FAM163A: variants seen among roughly 807,000 people sequenced by gnomAD.
FAM163A encodes protein FAM163A.
A neutral mutation model predicts 12.0 loss-of-function variants in FAM163A; 7 were observed. The observed-to-expected ratio is 0.58, with a 90% confidence interval of 0.33 to 1.10. FAM163A has a LOEUF of 1.10. Among genes scored for constraint, FAM163A ranks in the 50% least tolerant of loss-of-function variants. The probability of loss-of-function intolerance (pLI) is 0.03; values close to 1 mark genes in which losing one functional copy is unlikely to be tolerated. For missense variants in FAM163A, 202 were observed against 218.6 expected, an observed-to-expected ratio of 0.92 and a Z score of 0.48; for synonymous variants, 101 against 91.0, an observed-to-expected ratio of 1.11 and a Z score of -0.62.
At chr1:179,768,909 A>C (rs978169525) in intron 1 of FAM163A, among the ~76,000 whole-genome samples, 1 of 151,594 alleles carries the variant, frequency 6.6e-6, no homozygotes, top group South Asian at 2.1e-4. Context: ...CGGCCTGGAC[A>C]CTGGATTTTT....
chr1:179,772,112 A>G (rs1306843905), intron 1 of FAM163A, among the ~76,000 whole-genome samples: 1 of 152,094 alleles, frequency 6.6e-6, no homozygotes, highest in Non-Finnish European at 1.5e-5. Flanking sequence ...TATCAAGGTC[A>G]AAGTCAAGCT....
intron 3 of FAM163A, 138 bp from the exon 4 acceptor site, chr1:179,812,938 C>A (rs961513524): frequency 4.2e-5 from 31 of 742,208 alleles, no homozygotes; most frequent in Admixed American, 7.5e-5. Flanking sequence ...TCAGGAAACC[C>A]CTGGGGCCTG....
chr1:179,792,189 G>A (rs1373438308), intron 1 of FAM163A, among the ~76,000 whole-genome samples: 1 of 152,104 alleles, frequency 6.6e-6, no homozygotes, highest in Admixed American at 6.5e-5. Flanking sequence ...GCAAGATCAT[G>A]GATCACTGCA....
chr1:179,746,180 C>A (rs956376305), intron 1 of FAM163A, among the ~76,000 whole-genome samples: 1 of 152,190 alleles, frequency 6.6e-6, no homozygotes, highest in Admixed American at 6.5e-5. Context: ...ATTGGTACAA[C>A]TTTGGAGGGC....
intron 1 of FAM163A, among the ~76,000 whole-genome samples, chr1:179,763,235 C>G (rs1321825556): frequency 6.6e-6 from 1 of 152,202 alleles, no homozygotes; most frequent in African/African-American, 2.4e-5. Context: ...TACAGACACC[C>G]TTACAAATGG....
At chr1:179,749,053 C>T (rs952781890) in intron 1 of FAM163A, among the ~76,000 whole-genome samples, 1 of 152,198 alleles carries the variant, frequency 6.6e-6, no homozygotes, top group African/African-American at 2.4e-5. Context: ...TATCCAGCTA[C>T]TGTGTCACTG....
chr1:179,793,339 T>C (rs1691793647), intron 1 of FAM163A, among the ~76,000 whole-genome samples: 1 of 152,218 alleles, frequency 6.6e-6, no homozygotes, highest in Non-Finnish European at 1.5e-5. Flanking sequence ...ATTAAAACCT[T>C]ATTTGAAAGC....
At chr1:179,793,500 G>A (rs1018283793) in intron 1 of FAM163A, among the ~76,000 whole-genome samples, 6 of 152,192 alleles carry the variant, frequency 3.9e-5, no homozygotes, top group African/African-American at 7.2e-5. Context: ...AAAAGCGTAC[G>A]TGCTCATGCA....
chr1:179,798,318 T>C (rs1176458218), intron 1 of FAM163A, among the ~76,000 whole-genome samples: 1 of 152,180 alleles, frequency 6.6e-6, no homozygotes, highest in African/African-American at 2.4e-5. Context: ...GCTGAGGGCA[T>C]TGTTTTATTC....
At chr1:179,748,829 G>A (rs372715030) in intron 1 of FAM163A, among the ~76,000 whole-genome samples, 1 of 152,212 alleles carries the variant, frequency 6.6e-6, no homozygotes, top group East Asian at 1.9e-4. Context: ...AAAGACACAG[G>A]GTTACAGTAG....
At chr1:179,769,129 GA>G (rs1249946462) in intron 1 of FAM163A, among the ~76,000 whole-genome samples, 7 of 152,048 alleles carry the variant, frequency 4.6e-5, no homozygotes, top group African/African-American at 1.7e-4. Flanking sequence ...GAATATGTTT[GA>G]AATTTTTTAT....
intron 4 of FAM163A, among the ~76,000 whole-genome samples, 174 bp downstream of exon 4, chr1:179,813,364 T>G (rs1694963284): frequency 6.6e-6 from 1 of 152,014 alleles, no homozygotes; most frequent in Non-Finnish European, 1.5e-5. Context: ...GGGAGCTAAG[T>G]GCCCCCCAGC....
At chr1:179,748,253 C>T (rs1000450067) in intron 1 of FAM163A, among the ~76,000 whole-genome samples, 13 of 152,326 alleles carry the variant, frequency 8.5e-5, no homozygotes, top group South Asian at 2.1e-4. Context: ...CTCTAATTTT[C>T]CCCAAATAAA....
At chr1:179,752,025 G>A (rs1465667516) in intron 1 of FAM163A, among the ~76,000 whole-genome samples, 2 of 152,056 alleles carry the variant, frequency 1.3e-5, no homozygotes, top group Non-Finnish European at 2.9e-5. Flanking sequence ...AAAGCTAGAG[G>A]CATCATACTG....
chr1:179,805,192 G>C lies in FAM163A; in HGVS notation c.-135-2606G>C, dbSNP rs140181777. On this transcript the variant is annotated intron_variant, in intron 1 of 4. Transcript: ENST00000341785. ...CTTCGGTGATAGCCTTATAGTTACT[G>C]TAAGTTATAGATACAGTCCACTCAG... Among the ~76,000 whole-genome samples, 605 of 152,196 alleles carry C rather than the reference G, an allele frequency of 4.0e-3. 2 individuals carry two copies. The highest frequency in any genetic ancestry group is 0.017 in the Middle Eastern group (5 of 294).
At chr1:179,783,772 A>ATATATATATTATATAATTTAT (rs1557940343) in intron 1 of FAM163A, among the ~76,000 whole-genome samples, 7 of 144,886 alleles carry the variant, frequency 4.8e-5, no homozygotes, top group African/African-American at 1.8e-4. Flanking sequence ...ATAATTTATT[A>ATATATATATTATATAATTTAT]TATATATATT....
At chr1:179,780,650 T>G (rs967259524) in intron 1 of FAM163A, among the ~76,000 whole-genome samples, 5 of 152,190 alleles carry the variant, frequency 3.3e-5, no homozygotes, top group Non-Finnish European at 5.9e-5. Flanking sequence ...GCAATGCACA[T>G]TTTAACAGGT....
intron 1 of FAM163A, among the ~76,000 whole-genome samples, chr1:179,765,478 A>G (rs1019580943): frequency 1.3e-5 from 2 of 152,178 alleles, no homozygotes; most frequent in Non-Finnish European, 2.9e-5. Context: ...ATTCTTGCCC[A>G]GCTGAGGACC....
At chr1:179,759,058 G>A (rs1269525868) in intron 1 of FAM163A, among the ~76,000 whole-genome samples, 1 of 152,228 alleles carries the variant, frequency 6.6e-6, no homozygotes, top group African/African-American at 2.4e-5. Context: ...GTGAACAAGT[G>A]TTCACCTGCC....
Sources: allele counts gnomAD v4.1 joint callset (sites outside exome capture counted in the v4.1 genomes callset), GRCh38; gene constraint gnomAD v4.1.1; transcripts MANE v1.5; gene names NCBI Gene and HGNC (gene_info 2026-07-23, HGNC 2026-07-21).